EFR3B: variants seen among roughly 807,000 people sequenced by gnomAD.
EFR3B encodes protein EFR3 homolog B.
EFR3B carries 64 observed loss-of-function variants against 104.7 expected under a neutral mutation model. The ratio of observed to expected loss-of-function variants is 0.61; its 90% CI spans 0.50 to 0.75. The LOEUF (loss-of-function observed/expected upper bound fraction) is 0.75. Among genes scored for constraint, EFR3B ranks in the 30% least tolerant of loss-of-function variants. The pLI is 0.00. For missense variants in EFR3B, 750 were observed against 1,078.5 expected, an observed-to-expected ratio of 0.70 and a Z score of 4.27; for synonymous variants, 385 against 417.9, an observed-to-expected ratio of 0.92 and a Z score of 0.96.
intron 22 of EFR3B, 32 bp downstream of exon 22, chr2:25,153,793 C>T (rs766614030): frequency 3.2e-5 from 49 of 1,550,534 alleles, no homozygotes; most frequent in Non-Finnish European, 3.8e-5. Flanking sequence ...GGGACCCTGA[C>T]CTCCGTGGCC....
At chr2:25,069,882 A>G (rs1453710392) in intron 1 of EFR3B, among the ~76,000 whole-genome samples, 2 of 152,156 alleles carry the variant, frequency 1.3e-5, no homozygotes, top group Non-Finnish European at 2.9e-5. Context: ...TATTTTCAGT[A>G]GAGACGGGGT....
intron 1 of EFR3B, among the ~76,000 whole-genome samples, chr2:25,084,841 G>A (rs1174234918): frequency 2.6e-5 from 4 of 152,282 alleles, no homozygotes; most frequent in African/African-American, 7.2e-5. Flanking sequence ...TTCAAATGAG[G>A]CAGTCAGTTA....
chr2:25,085,228 A>G (rs1334649219), intron 1 of EFR3B, among the ~76,000 whole-genome samples: 1 of 152,160 alleles, frequency 6.6e-6, no homozygotes, highest in African/African-American at 2.4e-5. Context: ...AAAATCTGTT[A>G]TTGTATTGAT....
chr2:25,071,522 G>A (rs1237735742), intron 1 of EFR3B, among the ~76,000 whole-genome samples: 2 of 152,116 alleles, frequency 1.3e-5, no homozygotes, highest in Non-Finnish European at 2.9e-5. Context: ...GCCTCCCAAA[G>A]TGCTGGGATT....
At chr2:25,069,704 T>A (rs936690297) in intron 1 of EFR3B, among the ~76,000 whole-genome samples, 10 of 152,214 alleles carry the variant, frequency 6.6e-5, no homozygotes, top group African/African-American at 2.4e-4. Context: ...GGGTAGTAAC[T>A]TTTTGTTTTT....
At chr2:25,134,387 C>T (rs1469917261) in intron 12 of EFR3B, among the ~76,000 whole-genome samples, 2 of 152,136 alleles carry the variant, frequency 1.3e-5, no homozygotes, top group Non-Finnish European at 2.9e-5. Flanking sequence ...CCAGGCTGGT[C>T]TTGAACTCCT....
chr2:25,106,295 G>A (rs1216940781), intron 4 of EFR3B, among the ~76,000 whole-genome samples: 1 of 145,736 alleles, frequency 6.9e-6, no homozygotes, highest in Non-Finnish European at 1.5e-5. Flanking sequence ...CACCTCTGGA[G>A]TTTTTTTTTT....
rs929936805 is a variant in EFR3B, at chr2:25,154,632, G to T, written c.*292G>T. 43 of 343,104 alleles carry T rather than the reference G, an allele frequency of 1.3e-4. No individual in the cohort carries two copies. Among genetic ancestry groups the T allele is most frequent in the Admixed American group, 1.2e-3 (27 of 21,762 alleles). 21.3% of individuals were successfully genotyped at this position (343,104 alleles called of 1,614,324 possible). ...CATGGGGTGTCTCTCAGGAGAAGCC[G>T]GGGGGAGGGGGCTGAGAAGCTCCTA... On this transcript the variant is annotated 3_prime_UTR_variant, in exon 23 of 23. Coordinates refer to ENST00000403714, the MANE Select transcript of EFR3B (RefSeq NM_014971.2). This position sits in a 1 kb window ranked among gnomAD's most constrained non-coding sequence, Gnocchi z 4.1.
chr2:25,091,261 G>T, intron 1 of EFR3B, 64 bp from the exon 2 acceptor site: 1 of 1,498,388 alleles, frequency 6.7e-7, no homozygotes, highest in South Asian at 1.2e-5. Flanking sequence ...CCTGGCCCTG[G>T]CTCCAACCTT....
Position 25,136,404 on chromosome 2 carries a change from A to G in EFR3B, c.1485-119A>G. 1.4e-6 allele frequency: 1 copy of G among 719,416 alleles called. No homozygotes were observed. The highest frequency in any genetic ancestry group is 2.3e-6 in the Non-Finnish European group (1 of 434,548). 44.6% of individuals were successfully genotyped at this position (719,416 alleles called of 1,614,324 possible). ...GGTAATCGGGCTGAGAACCAGGGCC[A>G]GGGGAGCACTGGAGGCTTTGTACCA... On this transcript the variant is annotated intron_variant, in intron 13 of 22. Transcript: ENST00000403714. This position sits in a 1 kb window ranked among gnomAD's most constrained non-coding sequence, Gnocchi z 4.0.
intron 3 of EFR3B, among the ~76,000 whole-genome samples, chr2:25,094,991 A>G (rs1669238726): frequency 6.6e-6 from 1 of 151,884 alleles, no homozygotes; most frequent in Non-Finnish European, 1.5e-5. Context: ...GAGTTTCACC[A>G]TGTTGCCCAG....
intron 16 of EFR3B, 135 bp downstream of exon 16, chr2:25,139,325 G>C: frequency 8.8e-7 from 1 of 1,136,298 alleles, no homozygotes; most frequent in Non-Finnish European, 1.2e-6. Flanking sequence ...ACCACTAATG[G>C]TGAGAAGTTA....
In EFR3B at chr2:25,042,335, C is replaced by T; in HGVS notation, c.7+16C>T. ...GAGATGTACGGTAAGGAGGGCTCCG[C>T]GCCCGGGCCCGGGCCCGCGGGGGCG... On this transcript the variant is annotated intron_variant, in intron 1 of 22. Coordinates refer to ENST00000403714, the MANE Select transcript of EFR3B (RefSeq NM_014971.2). The surrounding 1 kb of genome is among the most constrained non-coding windows in gnomAD (Gnocchi z 5.4). 1 of 1,262,714 alleles carries T rather than the reference C, an allele frequency of 7.9e-7. No homozygotes were observed. The highest frequency in any genetic ancestry group is 2.7e-5 in the South Asian group (1 of 37,270). 78.2% of individuals were successfully genotyped at this position (1,262,714 alleles called of 1,614,324 possible).
intron 10 of EFR3B, among the ~76,000 whole-genome samples, chr2:25,132,342 G>A (rs760284370): frequency 5.3e-5 from 8 of 152,122 alleles, no homozygotes; most frequent in Non-Finnish European, 1.0e-4. Context: ...CTTCCAGGAG[G>A]GAGAGATGGG....
intron 19 of EFR3B, 54 bp downstream of exon 19, chr2:25,145,105 C>A: frequency 6.7e-7 from 1 of 1,498,404 alleles, no homozygotes; most frequent in South Asian, 1.2e-5. Context: ...AGATTGGACG[C>A]TGGACTCCAG....
chr2:25,066,101 A>G (rs1573175600), intron 1 of EFR3B, among the ~76,000 whole-genome samples: 1 of 151,634 alleles, frequency 6.6e-6, no homozygotes, highest in East Asian at 2.0e-4. Flanking sequence ...CGGGCTGGAG[A>G]CCAGATATCC....
chr2:25,131,664 G>A lies in EFR3B; in HGVS notation c.986-86G>A. The A allele has an allele frequency of 6.7e-7, 1 of 1,483,888 alleles. No individual in the cohort carries two copies. Among genetic ancestry groups the A allele is most frequent in the Non-Finnish European group, 9.0e-7 (1 of 1,110,812 alleles). 91.9% of individuals were successfully genotyped at this position (1,483,888 alleles called of 1,614,324 possible). On this transcript the variant is annotated intron_variant, in intron 9 of 22. Coordinates refer to ENST00000403714, the MANE Select transcript of EFR3B (RefSeq NM_014971.2). This position sits in a 1 kb window ranked among gnomAD's most constrained non-coding sequence, Gnocchi z 7.6. ...CAGAGGAAGCCCAGGCTGGAAGGGG[G>A]CGTGACCCTGCCCTGCCTGCGCGCG...
chr2:25,084,613 C>T (rs10165163), intron 1 of EFR3B, among the ~76,000 whole-genome samples: 16,119 of 151,976 alleles, frequency 0.11, 2,040 homozygotes, highest in African/African-American at 0.31. Flanking sequence ...GAGGTCCTGA[C>T]GACATGTGCC....
chr2:25,095,420 G>C (rs561486333), intron 3 of EFR3B, among the ~76,000 whole-genome samples: 1 of 152,168 alleles, frequency 6.6e-6, no homozygotes, highest in South Asian at 2.1e-4. Context: ...TACTGGCCAG[G>C]TGCGGTGGCT....
Sources: gnomAD v4.1 joint callset for allele counts (sites outside exome capture counted in the v4.1 genomes callset) on GRCh38, gnomAD v4.1.1 for gene constraint, Gnocchi (gnomAD v3.1) non-coding constraint, MANE v1.5 for transcripts, NCBI Gene and HGNC (gene_info 2026-07-23, HGNC 2026-07-21) for gene names.